DNER: variants seen among roughly 807,000 people sequenced by gnomAD.
DNER encodes delta and Notch-like epidermal growth factor-related receptor.
DNER carries 33 observed loss-of-function variants against 78.2 expected under a neutral mutation model. The observed-to-expected ratio is 0.42, with a 90% CI of 0.32 to 0.56. DNER has a LOEUF of 0.56. DNER is among the 20% of genes least tolerant of loss of function. The pLI is 0.11. For missense variants in DNER, 918 were observed against 975.3 expected, an observed-to-expected ratio of 0.94 and a Z score of 0.78; for synonymous variants, 417 against 384.8, an observed-to-expected ratio of 1.08 and a Z score of -0.98.
chr2:229,612,280 C>A lies in DNER; in HGVS notation c.277-20392G>T, dbSNP rs551522110. Among the ~76,000 whole-genome samples, 40 of 152,302 alleles carry A rather than the reference C, an allele frequency of 2.6e-4. No individual in the cohort carries two copies. In the South Asian group the frequency reaches 8.3e-3, roughly 32 times the overall value. On this transcript the variant is annotated intron_variant, in intron 1 of 12. Transcript: ENST00000341772. ...GATCTCTGGTCACCCACATAAATAT[C>A]AACTGACCAGGCCAGAAAGGCTTCA...
At chr2:229,520,200 C>T (rs944366124) in intron 5 of DNER, among the ~76,000 whole-genome samples, 2 of 152,184 alleles carry the variant, frequency 1.3e-5, no homozygotes, top group African/African-American at 2.4e-5. Flanking sequence ...TCTGCACAGG[C>T]ACAGGATCTT....
chr2:229,577,427 G>A (rs546812532), intron 4 of DNER, among the ~76,000 whole-genome samples: 390 of 152,282 alleles, frequency 2.6e-3, no homozygotes, highest in Admixed American at 6.9e-3. Context: ...AGCACTTTGG[G>A]AGGCTGAGGC....
chr2:229,417,995 G>T, intron 9 of DNER, 113 bp downstream of exon 9: 2 of 1,522,484 alleles, frequency 1.3e-6, no homozygotes, highest in Non-Finnish European at 1.8e-6. Flanking sequence ...TTCAGCATTT[G>T]ATTGTTATTC....
intron 1 of DNER, among the ~76,000 whole-genome samples, chr2:229,678,259 T>C (rs993672258): frequency 2.6e-5 from 4 of 152,144 alleles, no homozygotes; most frequent in Non-Finnish European, 5.9e-5. Context: ...TCCCAACAGC[T>C]TTCCCAGTCG....
chr2:229,380,788 G>T (rs1692717420), intron 11 of DNER, among the ~76,000 whole-genome samples: 1 of 151,994 alleles, frequency 6.6e-6, no homozygotes, highest in African/African-American at 2.4e-5. Flanking sequence ...AGCCAGGAGT[G>T]GTGCCACACA....
intron 10 of DNER, among the ~76,000 whole-genome samples, chr2:229,406,102 T>C (rs1468049694): frequency 1.3e-5 from 2 of 152,198 alleles, no homozygotes; most frequent in African/African-American, 4.8e-5. Flanking sequence ...ACTTCGGCTT[T>C]TGTCACCTTC....
intron 7 of DNER, among the ~76,000 whole-genome samples, chr2:229,462,422 C>T (rs143307684): frequency 4.1e-4 from 63 of 152,118 alleles, no homozygotes; most frequent in Admixed American, 9.8e-4. Context: ...ATTGCCTTGG[C>T]AAATGGCTCC....
chr2:229,434,153 C>G (rs1337958690), intron 8 of DNER, among the ~76,000 whole-genome samples: 1 of 152,168 alleles, frequency 6.6e-6, no homozygotes, highest in African/African-American at 2.4e-5. Context: ...TTTTGGTACA[C>G]GGAGTCCACA....
intron 9 of DNER, among the ~76,000 whole-genome samples, chr2:229,414,112 C>T (rs879755494): frequency 1.3e-5 from 2 of 152,086 alleles, no homozygotes; most frequent in Non-Finnish European, 2.9e-5. Context: ...TTAGATCCTC[C>T]TGTCTCTCCT....
intron 1 of DNER, among the ~76,000 whole-genome samples, chr2:229,692,237 C>T (rs1699589201): frequency 6.6e-6 from 1 of 152,176 alleles, no homozygotes; most frequent in African/African-American, 2.4e-5. Flanking sequence ...GGTCTTCAAA[C>T]CTCTCTGGCT....
chr2:229,617,701 C>T lies in DNER; in HGVS notation c.277-25813G>A, dbSNP rs886448057. On this transcript the variant is annotated intron_variant, in intron 1 of 12. Transcript: ENST00000341772. ...GGGCATGGTAGCTCTCGCCTATAAT[C>T]CCTGCACTTTGGGAGGCCAACACAG... 3.9e-5 allele frequency among the ~76,000 whole-genome samples: 6 copies of T among 152,312 alleles called. No homozygotes were observed. The South Asian group carries it at 8.3e-4, about 21-fold the overall frequency.
At chr2:229,621,499 C>A (rs1465828805) in intron 1 of DNER, among the ~76,000 whole-genome samples, 1 of 152,190 alleles carries the variant, frequency 6.6e-6, no homozygotes, top group Non-Finnish European at 1.5e-5. Flanking sequence ...ACACTTCCCA[C>A]CTGCTCCCAA....
In DNER at chr2:229,629,338, A is replaced by C. The variant is rs1698396799; in HGVS notation, c.277-37450T>G. Among the ~76,000 whole-genome samples, 4 of 152,250 alleles carry C rather than the reference A, an allele frequency of 2.6e-5. No homozygotes were observed. In the South Asian group the frequency reaches 8.3e-4, roughly 32 times the overall value. On this transcript the variant is annotated intron_variant, in intron 1 of 12. Transcript: ENST00000341772. The stretch of plus-strand genomic sequence containing the variant: ...AGATAATGCCTGAGATGCACCATAA[A>C]GAACAAAACTCTTACATATGATTAG...
chr2:229,477,666 A>G (rs937201775), intron 6 of DNER, among the ~76,000 whole-genome samples: 13 of 152,220 alleles, frequency 8.5e-5, no homozygotes, highest in African/African-American at 2.9e-4. Flanking sequence ...ACACCTACAT[A>G]AAAAGCATTA....
chr2:229,419,064 A>C (rs1428675357), intron 8 of DNER, among the ~76,000 whole-genome samples: 1 of 152,152 alleles, frequency 6.6e-6, no homozygotes, highest in East Asian at 1.9e-4. Context: ...TTTTGTTGTT[A>C]TTGCTTGTTT....
intron 6 of DNER, among the ~76,000 whole-genome samples, chr2:229,498,879 A>G (rs2154211892): frequency 6.6e-6 from 1 of 152,324 alleles, no homozygotes; most frequent in African/African-American, 2.4e-5. Context: ...CAAAAATTCC[A>G]ATGACATTTT....
chr2:229,616,803 G>A (rs973512244), intron 1 of DNER, among the ~76,000 whole-genome samples: 1 of 152,202 alleles, frequency 6.6e-6, no homozygotes, highest in African/African-American at 2.4e-5. Flanking sequence ...GGCTCACATA[G>A]GCTAAGTGAG....
At chr2:229,524,495 T>C (rs1696162534) in intron 5 of DNER, among the ~76,000 whole-genome samples, 1 of 152,212 alleles carries the variant, frequency 6.6e-6, no homozygotes, top group African/African-American at 2.4e-5. Flanking sequence ...ACTGTATTCA[T>C]GACCCAGGAT....
chr2:229,615,432 G>A (rs1335937629), intron 1 of DNER, among the ~76,000 whole-genome samples: 11 of 151,232 alleles, frequency 7.3e-5, no homozygotes, highest in South Asian at 2.1e-4. Context: ...AAAAAAGGCC[G>A]GGCGCGGTGG....
Sources: gnomAD v4.1 joint callset for allele counts (sites outside exome capture counted in the v4.1 genomes callset) on GRCh38, gnomAD v4.1.1 for gene constraint, MANE v1.5 for transcripts, NCBI Gene and HGNC (gene_info 2026-07-23, HGNC 2026-07-21) for gene names.